The following COLEC11 variants were observed in gnomAD, a reference collection of about 807,000 sequenced individuals.
The protein encoded by COLEC11 is collectin subfamily member 11, also known as collectin-11.
COLEC11 carries 20 observed loss-of-function variants against 27.3 expected under a neutral mutation model. That is an observed-to-expected ratio of 0.73 (90% CI 0.51 to 1.06). The LOEUF (loss-of-function observed/expected upper bound fraction) is 1.06. Ranked by LOEUF, COLEC11 falls within the 50% of genes least tolerant of loss-of-function variation. COLEC11 has a pLI of 0.00. For missense variants in COLEC11, 310 were observed against 383.0 expected (o/e 0.81, Z 1.59); for synonymous variants, 163 against 154.7 (o/e 1.05, Z -0.40).
At position 3,602,757 on chromosome 2, in the gene COLEC11, C is replaced by T. The variant is rs1354907771; in HGVS notation, c.-26-1558C>T. ...CCTCTGTGCCCACCAGGCCAGCCCA[C>T]CTCTCCCCGCACTGTCCGGCATGCA... On this transcript the variant is annotated intron_variant, in intron 1 of 6. Coordinates refer to ENST00000349077, the MANE Select transcript of COLEC11 (RefSeq NM_024027.5). This position sits in a 1 kb window ranked among gnomAD's most constrained non-coding sequence, Gnocchi z 6.2. Among the ~76,000 whole-genome samples the T allele has an allele frequency of 2.0e-5, 3 of 152,224 alleles. No individual in the cohort carries two copies. The highest frequency in any genetic ancestry group is 4.4e-5 in the Non-Finnish European group (3 of 68,022).
At chr2:3,640,386 T>A in intron 5 of COLEC11, 55 bp downstream of exon 5, 2 of 970,066 alleles carry the variant, frequency 2.1e-6, no homozygotes, top group Admixed American at 2.0e-5. Context: ...AATTGCACTT[T>A]TGAAAACAAT....
intron 3 of COLEC11, among the ~76,000 whole-genome samples, chr2:3,621,803 A>G (rs1664207403): frequency 2.0e-5 from 3 of 152,244 alleles, no homozygotes; most frequent in South Asian, 2.1e-4. Context: ...TTGATCACAC[A>G]CAAAATTCTA....
chr2:3,628,626 C>G (rs1303907651), intron 3 of COLEC11, among the ~76,000 whole-genome samples: 1 of 152,208 alleles, frequency 6.6e-6, no homozygotes, highest in African/African-American at 2.4e-5. Context: ...CCCCCCACCC[C>G]CCATTCGAGG....
At chr2:3,615,811 CCCCCACCTCCCT>C (rs1663642590) in intron 3 of COLEC11, among the ~76,000 whole-genome samples, 22 of 25,632 alleles carry the variant, frequency 8.6e-4, no homozygotes, top group Non-Finnish European at 5.5e-4. Context: ...CAGGGGCTGC[CCCCCACCTCCCT>C]CCCGGACGCG....
At chr2:3,638,548 G>C (rs973632851) in intron 4 of COLEC11, among the ~76,000 whole-genome samples, 1 of 152,204 alleles carries the variant, frequency 6.6e-6, no homozygotes, top group Non-Finnish European at 1.5e-5. Flanking sequence ...AAGAGGCTAC[G>C]GTCTGGGGTT....
chr2:3,643,800 C>A lies in COLEC11; in HGVS notation c.498C>A (p.Ala166=). 1.2e-6 allele frequency: 2 copies of A among 1,613,552 alleles called. No individual in the cohort carries two copies. The highest frequency in any genetic ancestry group is 2.2e-5 in the South Asian group (2 of 91,092). ...LVKEEKRYAD[A]QLSCQGRGGT... ...AGGAGGAGAAGCGCTACGCGGACGC[C>A]CAGCTGTCCTGCCAGGGCCGCGGGG... Residue 166 remains alanine (A), a synonymous_variant, in exon 7 of 7, where the codon GCC becomes GCA. Transcript: ENST00000349077.
intron 3 of COLEC11, among the ~76,000 whole-genome samples, chr2:3,623,902 T>G (rs933595285): frequency 3.3e-5 from 5 of 152,234 alleles, no homozygotes; most frequent in African/African-American, 1.2e-4. Context: ...AGTCTTGCAT[T>G]GCTGTTTTCT....
intron 4 of COLEC11, among the ~76,000 whole-genome samples, chr2:3,639,493 C>G (rs112627103): frequency 6.6e-6 from 1 of 152,170 alleles, no homozygotes; most frequent in Non-Finnish European, 1.5e-5. Flanking sequence ...GTGGAGACTG[C>G]GAAACTCCTT....
chr2:3,596,167 G>A (rs1372463443), intron 1 of COLEC11, among the ~76,000 whole-genome samples: 1 of 152,112 alleles, frequency 6.6e-6, no homozygotes, highest in East Asian at 1.9e-4. Context: ...CACCGCGGTG[G>A]GGCTGGGGCA....
intron 5 of COLEC11, chr2:3,641,184 T>A (rs1665833868): frequency 7.8e-7 from 1 of 1,290,192 alleles, no homozygotes; most frequent in South Asian, 1.2e-5. Context: ...GACTCTTGGA[T>A]ACCAGGGAGA....
chr2:3,599,365 C>G (rs996145912), intron 1 of COLEC11, among the ~76,000 whole-genome samples: 1 of 152,176 alleles, frequency 6.6e-6, no homozygotes, highest in Admixed American at 6.5e-5. Flanking sequence ...TTCCCTGTAC[C>G]CATTCTGCGG....
At chr2:3,596,258 C>T (rs1661828010) in intron 1 of COLEC11, among the ~76,000 whole-genome samples, 1 of 151,860 alleles carries the variant, frequency 6.6e-6, no homozygotes, top group South Asian at 2.1e-4. Flanking sequence ...GATGCTGGGC[C>T]TTGCTGTAGA....
intron 2 of COLEC11, among the ~76,000 whole-genome samples, chr2:3,612,317 G>C (rs578039783): frequency 6.6e-6 from 1 of 152,166 alleles, no homozygotes; most frequent in South Asian, 2.1e-4. Context: ...AGGAGGGATA[G>C]TGCAACAGGT....
intron 1 of COLEC11, among the ~76,000 whole-genome samples, chr2:3,601,456 T>C (rs1041052883): frequency 2.0e-4 from 30 of 152,222 alleles, no homozygotes; most frequent in African/African-American, 7.2e-4. Flanking sequence ...TGCGTGACAC[T>C]ACACCTGGCT....
chr2:3,628,958 G>C (rs1465558083), intron 3 of COLEC11, among the ~76,000 whole-genome samples: 1 of 152,168 alleles, frequency 6.6e-6, no homozygotes, highest in Non-Finnish European at 1.5e-5. Context: ...TGGCAGAGAG[G>C]GAAGGGATCC....
In COLEC11 at chr2:3,630,264, T is replaced by G. The variant is rs189335805; in HGVS notation, c.203-7269T>G. 4.1e-4 allele frequency among the ~76,000 whole-genome samples: 62 copies of G among 152,292 alleles called. 1 individual carries two copies. Among genetic ancestry groups the G allele is most frequent in the Admixed American group, 3.4e-3 (52 of 15,306 alleles). ...GTACGTATGTGTATGTGTACATGCA[T>G]GTATGTGTGTATAGTATATGTGCAT... On this transcript the variant is annotated intron_variant, in intron 3 of 6. Transcript: ENST00000349077.
At chr2:3,601,494 A>G (rs1662216761) in intron 1 of COLEC11, among the ~76,000 whole-genome samples, 1 of 152,020 alleles carries the variant, frequency 6.6e-6, no homozygotes, top group Admixed American at 6.6e-5. Flanking sequence ...GGGTTTAGCC[A>G]TGTTGCCCAG....
At chr2:3,628,576 C>T (rs1024141459) in intron 3 of COLEC11, among the ~76,000 whole-genome samples, 2 of 152,166 alleles carry the variant, frequency 1.3e-5, no homozygotes, top group African/African-American at 4.8e-5. Context: ...GCTGGGTGTG[C>T]GCTGGGGCTT....
chr2:3,604,219 A>G, intron 1 of COLEC11, 96 bp from the exon 2 acceptor site: 1 of 1,365,556 alleles, frequency 7.3e-7, no homozygotes, highest in Non-Finnish European at 1.0e-6. Flanking sequence ...TCCAGGCACC[A>G]GGAGGGCTAC....
Sources: allele counts gnomAD v4.1 joint callset (sites outside exome capture counted in the v4.1 genomes callset), GRCh38; gene constraint gnomAD v4.1.1; non-coding constraint Gnocchi (gnomAD v3.1); transcripts MANE v1.5; gene names NCBI Gene and HGNC (gene_info 2026-07-23, HGNC 2026-07-21).